The following WDR7 variants were observed in gnomAD, a reference collection of about 807,000 sequenced individuals.
The protein encoded by WDR7 is WD repeat domain 7.
A neutral mutation model predicts 169.4 loss-of-function variants in WDR7; 46 were observed. That is an observed-to-expected ratio of 0.27 (90% confidence interval 0.21 to 0.35). The LOEUF (loss-of-function observed/expected upper bound fraction) is 0.35, where lower values mean the gene tolerates loss of function less well. WDR7 is among the 10% of genes least tolerant of loss of function. The probability of loss-of-function intolerance (pLI) is 1.00; values close to 1 mark genes in which losing one functional copy is unlikely to be tolerated. For synonymous variants in WDR7, 612 were observed against 666.8 expected (o/e 0.92, Z 1.27); for missense variants, 1,534 against 1,859.3 (o/e 0.83, Z 3.22).
chr18:57,021,376 G>C (rs2048288284), intron 27 of WDR7, among the ~76,000 whole-genome samples: 1 of 152,104 alleles, frequency 6.6e-6, no homozygotes, highest in South Asian at 2.1e-4. Flanking sequence ...TTCACACTTG[G>C]TCCCTGGGTC....
intron 26 of WDR7, among the ~76,000 whole-genome samples, chr18:57,009,029 CTAAGTA>C (rs75940210): frequency 0.25 from 38,009 of 151,846 alleles, 5,144 homozygotes; most frequent in Non-Finnish European, 0.31. Context: ...AGTGGATAGT[CTAAGTA>C]TAAGTCAGAG....
At chr18:56,856,254 C>G (rs1371352612) in intron 20 of WDR7, among the ~76,000 whole-genome samples, 2 of 152,180 alleles carry the variant, frequency 1.3e-5, no homozygotes, top group African/African-American at 4.8e-5. Flanking sequence ...ATAACTATGG[C>G]TAGGCACAGT....
chr18:56,792,588 A>G (rs1227534371), intron 19 of WDR7, among the ~76,000 whole-genome samples: 1 of 144,098 alleles, frequency 6.9e-6, no homozygotes, highest in Non-Finnish European at 1.5e-5. Flanking sequence ...AATAAAAAGT[A>G]TTTCTTTAGG....
chr18:56,749,531 T>C (rs1019694397), intron 14 of WDR7, among the ~76,000 whole-genome samples: 2 of 152,124 alleles, frequency 1.3e-5, no homozygotes, highest in East Asian at 3.9e-4. Flanking sequence ...AGCATGAAAA[T>C]CAGCCTATGT....
At chr18:56,918,559 T>C (rs2046663051) in intron 21 of WDR7, among the ~76,000 whole-genome samples, 1 of 152,182 alleles carries the variant, frequency 6.6e-6, no homozygotes, top group Non-Finnish European at 1.5e-5. Context: ...ATTAAAAAAA[T>C]GTATTCACCA....
intron 26 of WDR7, among the ~76,000 whole-genome samples, chr18:57,019,589 A>T (rs1325913630): frequency 6.6e-6 from 1 of 152,170 alleles, no homozygotes; most frequent in Non-Finnish European, 1.5e-5. Context: ...TAATGACAAG[A>T]AAGGACAGAA....
At chr18:56,756,443 A>G in intron 14 of WDR7, 140 bp from the exon 15 acceptor site, 1 of 708,008 alleles carries the variant, frequency 1.4e-6, no homozygotes, top group East Asian at 2.8e-5. Context: ...CAAAGTTAGT[A>G]TGTTACTTTT....
chr18:56,894,682 T>C (rs1318206038), intron 21 of WDR7, among the ~76,000 whole-genome samples: 2 of 152,120 alleles, frequency 1.3e-5, no homozygotes, highest in Non-Finnish European at 2.9e-5. Context: ...GTCATGAATC[T>C]TTGTCTATTT....
chr18:56,778,232 C>T (rs72916610), intron 17 of WDR7, among the ~76,000 whole-genome samples: 22,852 of 152,036 alleles, frequency 0.15, 2,164 homozygotes, highest in Non-Finnish European at 0.2. Flanking sequence ...GTCTCTCTCC[C>T]GCTCTCATTC....
chr18:56,724,509 G>C (rs2026398471), intron 13 of WDR7, among the ~76,000 whole-genome samples: 1 of 150,972 alleles, frequency 6.6e-6, no homozygotes, highest in South Asian at 2.1e-4. Flanking sequence ...ACCGCTCCTG[G>C]CCATGCCTTT....
At position 56,776,822 on chromosome 18, in the gene WDR7, C is replaced by T. The variant is rs770098599; in HGVS notation, c.2889C>T (p.His963=). 1.2e-6 allele frequency: 2 copies of T among 1,614,012 alleles called. No individual in the cohort carries two copies. Among genetic ancestry groups the T allele is most frequent in the East Asian group, 2.2e-5 (1 of 44,874 alleles). The part of the protein sequence containing the change: ...PVVSARSDAD[H]SGSDPPSAPA... The stretch of plus-strand genomic sequence containing the variant: ...TTTCCGCTCGGTCTGATGCTGATCA[C>T]TCTGGCTCTGACCCTCCTTCTGCTC... Residue 963 remains histidine (H), a synonymous_variant, in exon 17 of 28, where the codon CAC becomes CAT. Coordinates refer to ENST00000254442, the MANE Select transcript of WDR7 (RefSeq NM_015285.3).
chr18:56,695,731 C>T (rs993622806), intron 11 of WDR7, among the ~76,000 whole-genome samples: 1 of 152,052 alleles, frequency 6.6e-6, no homozygotes, highest in South Asian at 2.1e-4. Flanking sequence ...GGGACAGTTT[C>T]ACCATGTTGG....
At chr18:56,900,934 G>A (rs1322014587) in intron 21 of WDR7, among the ~76,000 whole-genome samples, 1 of 152,224 alleles carries the variant, frequency 6.6e-6, no homozygotes, top group Non-Finnish European at 1.5e-5. Flanking sequence ...CATGTTTCCA[G>A]AGTCCAGCTC....
intron 14 of WDR7, among the ~76,000 whole-genome samples, chr18:56,741,903 A>T (rs1402944284): frequency 6.6e-6 from 1 of 152,218 alleles, no homozygotes; most frequent in Non-Finnish European, 1.5e-5. Context: ...AATACCATCA[A>T]ATAATGACAT....
intron 20 of WDR7, among the ~76,000 whole-genome samples, chr18:56,833,667 ATCTTT>A (rs746454563): frequency 3.9e-5 from 6 of 152,140 alleles, no homozygotes; most frequent in Admixed American, 6.5e-5. Context: ...CCATATAAAA[ATCTTT>A]TCTTTAACCC....
chr18:56,904,694 G>C (rs549642218), intron 21 of WDR7, among the ~76,000 whole-genome samples: 1 of 152,070 alleles, frequency 6.6e-6, no homozygotes, highest in African/African-American at 2.4e-5. Flanking sequence ...AGAGTCTTTT[G>C]CTCTTATTTA....
In WDR7 at chr18:56,863,587, G is replaced by A. The variant is rs770186210; in HGVS notation, c.3305-16357G>A. Reference sequence around the variant, plus strand: ...CATTTCCTGGCAAATTATTATAATTGTAAACTTCATATTTTTATTTATTGC... The same window carrying A: ...CATTTCCTGGCAAATTATTATAATTATAAACTTCATATTTTTATTTATTGC... On this transcript the variant is annotated intron_variant, in intron 20 of 27. Transcript: ENST00000254442. Among the ~76,000 whole-genome samples, 48 of 151,560 alleles carry A rather than the reference G, an allele frequency of 3.2e-4. 1 individual carries two copies. The highest frequency in any genetic ancestry group is 2.3e-3 in the Admixed American group (35 of 15,196).
intron 21 of WDR7, among the ~76,000 whole-genome samples, chr18:56,885,145 G>A (rs118173702): frequency 0.012 from 1,806 of 152,230 alleles, 23 homozygotes; most frequent in Non-Finnish European, 0.018. Context: ...CAGCAGCCTT[G>A]AGCCCCAGAT....
At chr18:56,659,948 G>A (rs1038529670) in intron 1 of WDR7, among the ~76,000 whole-genome samples, 2 of 152,118 alleles carry the variant, frequency 1.3e-5, no homozygotes, top group African/African-American at 4.8e-5. Context: ...GGGCTGTTGT[G>A]TTATCCCTGA....
Sources: allele counts gnomAD v4.1 joint callset (sites outside exome capture counted in the v4.1 genomes callset), GRCh38; gene constraint gnomAD v4.1.1; transcripts MANE v1.5; gene names NCBI Gene and HGNC (gene_info 2026-07-23, HGNC 2026-07-21).